APBB1IP: variants seen among roughly 807,000 people sequenced by gnomAD.
APBB1IP encodes the protein amyloid beta precursor protein binding family B member 1 interacting protein.
APBB1IP carries 27 observed loss-of-function variants against 64.9 expected under a neutral mutation model. The observed-to-expected ratio is 0.42, with a 90% confidence interval of 0.31 to 0.57. APBB1IP has a LOEUF of 0.57. APBB1IP is among the 20% of genes least tolerant of loss of function. The pLI, the probability that APBB1IP is intolerant of heterozygous loss-of-function variation, is 0.20. For missense variants in APBB1IP, 812 were observed against 845.5 expected (o/e 0.96, Z 0.49); for synonymous variants, 392 against 331.0 (o/e 1.18, Z -2.00).
At chr10:26,564,706 G>A (rs1160112178) in intron 14 of APBB1IP, among the ~76,000 whole-genome samples, 2 of 152,140 alleles carry the variant, frequency 1.3e-5, no homozygotes, top group African/African-American at 4.8e-5. Flanking sequence ...CGGAGGCTGA[G>A]GCATGAGGAT....
intron 2 of APBB1IP, among the ~76,000 whole-genome samples, chr10:26,485,546 T>C (rs1835881292): frequency 6.6e-6 from 1 of 152,228 alleles, no homozygotes; most frequent in Non-Finnish European, 1.5e-5. Flanking sequence ...TCTATAACGA[T>C]AACAAAAAGA....
intron 14 of APBB1IP, among the ~76,000 whole-genome samples, chr10:26,565,881 A>G (rs555886747): frequency 1.3e-5 from 2 of 152,324 alleles, no homozygotes; most frequent in African/African-American, 4.8e-5. Context: ...CAAGAGTCCA[A>G]AGAGGTTGGG....
At chr10:26,497,758 T>C (rs1484641486) in intron 4 of APBB1IP, among the ~76,000 whole-genome samples, 6 of 132,648 alleles carry the variant, frequency 4.5e-5, no homozygotes, top group African/African-American at 1.4e-4. Context: ...GCAGAGTCTC[T>C]CTCTGTCACC....
intron 8 of APBB1IP, 50 bp downstream of exon 8, chr10:26,513,710 T>G: frequency 6.5e-7 from 1 of 1,548,844 alleles, no homozygotes; most frequent in Non-Finnish European, 8.6e-7. Context: ...AAGGATTTTT[T>G]TTTTTTTTGA....
chr10:26,475,930 A>T (rs1404253849), intron 2 of APBB1IP, among the ~76,000 whole-genome samples: 2 of 152,146 alleles, frequency 1.3e-5, no homozygotes, highest in African/African-American at 4.8e-5. Flanking sequence ...TTTCATTTTG[A>T]AAAGTTTCAA....
intron 2 of APBB1IP, among the ~76,000 whole-genome samples, chr10:26,485,843 T>C (rs1835884419): frequency 6.6e-6 from 1 of 152,132 alleles, no homozygotes; most frequent in African/African-American, 2.4e-5. Flanking sequence ...AGTAGGATTT[T>C]ATGAAGGAGA....
chr10:26,547,771 T>A (rs1159238540), intron 11 of APBB1IP, among the ~76,000 whole-genome samples: 2 of 152,160 alleles, frequency 1.3e-5, no homozygotes, highest in African/African-American at 2.4e-5. Context: ...TTAACTAATC[T>A]ATTTTGGGTC....
chr10:26,491,836 A>G (rs959779610), intron 2 of APBB1IP, among the ~76,000 whole-genome samples: 2 of 141,536 alleles, frequency 1.4e-5, no homozygotes, highest in Admixed American at 1.6e-4. Flanking sequence ...ATCTCGGCTC[A>G]CTGCAACCTT....
At chr10:26,549,221 G>C (rs887981076) in intron 11 of APBB1IP, among the ~76,000 whole-genome samples, 4 of 152,100 alleles carry the variant, frequency 2.6e-5, no homozygotes, top group African/African-American at 9.7e-5. Context: ...ATTTAATTTG[G>C]ATTGCTAGTA....
chr10:26,485,763 G>C (rs1034756210), intron 2 of APBB1IP, among the ~76,000 whole-genome samples: 36 of 152,332 alleles, frequency 2.4e-4, no homozygotes, highest in African/African-American at 7.9e-4. Context: ...AAGTGCAGTA[G>C]ATAGCAAATC....
At chr10:26,452,773 A>G (rs1282410593) in intron 2 of APBB1IP, among the ~76,000 whole-genome samples, 1 of 152,208 alleles carries the variant, frequency 6.6e-6, no homozygotes, top group Non-Finnish European at 1.5e-5. Flanking sequence ...CAGGTCACCT[A>G]AATAGTGAAC....
intron 11 of APBB1IP, among the ~76,000 whole-genome samples, chr10:26,544,114 T>G (rs973555473): frequency 1.3e-5 from 2 of 152,176 alleles, no homozygotes; most frequent in African/African-American, 2.4e-5. Flanking sequence ...AGACAGTTTC[T>G]CAGGCCCCCA....
chr10:26,557,582 G>T (rs1836909602), intron 11 of APBB1IP, among the ~76,000 whole-genome samples: 1 of 152,210 alleles, frequency 6.6e-6, no homozygotes, highest in Non-Finnish European at 1.5e-5. Flanking sequence ...TACAAACACA[G>T]AAATTCTAGG....
intron 8 of APBB1IP, among the ~76,000 whole-genome samples, chr10:26,514,630 G>A (rs1200600531): frequency 6.6e-6 from 1 of 151,616 alleles, no homozygotes; most frequent in African/African-American, 2.4e-5. Context: ...TGTTAAAGGT[G>A]AAGAAGTTCC....
intron 8 of APBB1IP, among the ~76,000 whole-genome samples, chr10:26,518,094 A>G (rs547377092): frequency 1.1e-4 from 16 of 152,170 alleles, no homozygotes; most frequent in Admixed American, 3.3e-4. Flanking sequence ...AGCTGGGATC[A>G]CAGGCAACCA....
At chr10:26,555,324 C>T (rs1028384847) in intron 11 of APBB1IP, among the ~76,000 whole-genome samples, 2 of 152,128 alleles carry the variant, frequency 1.3e-5, no homozygotes, top group African/African-American at 2.4e-5. Flanking sequence ...ACTCAGATTC[C>T]ACACCAGCTT....
intron 7 of APBB1IP, among the ~76,000 whole-genome samples, chr10:26,513,145 C>G (rs753098359): frequency 6.6e-5 from 10 of 152,172 alleles, no homozygotes; most frequent in Non-Finnish European, 1.3e-4. Context: ...TCTGGGTACA[C>G]TGGCATATGC....
Position 26,500,971 on chromosome 10 carries a change from A to C in APBB1IP, c.313A>C (p.Ser105Arg). The C allele has an allele frequency of 6.2e-7, 1 of 1,614,198 alleles. No homozygotes were observed. ...AGCATCTCTACAAGCATCAATTTTC[A>C]GTGGTGCAGCCTCTCTTGGTTATGG... ...HSASLQASIF[S>R]GAASLGYGTN... is the part of the protein sequence containing the mutation. The change falls in exon 5 of 15, where the codon AGT (serine) becomes CGT (arginine). Residue 105 changes from serine (S) to arginine (R), a missense_variant. By Grantham distance (110) the Ser-to-Arg change is moderately radical. Transcript: ENST00000376236.
rs573073533 is a variant in APBB1IP at position 26,532,356 on chromosome 10, T to G, written c.814-1083T>G. ...TAGTCCTTGAGTGCTCGTGATTTTT[T>G]GGAACCCTTTATTTTTAGCCATCCT... On this transcript the variant is annotated intron_variant, in intron 8 of 14. Coordinates refer to ENST00000376236, the MANE Select transcript of APBB1IP (RefSeq NM_019043.4). Among the ~76,000 whole-genome samples the G allele has an allele frequency of 2.0e-5, 3 of 152,354 alleles. No homozygotes were observed. In the South Asian group the frequency reaches 6.2e-4, roughly 32 times the overall value.
Sources: allele counts gnomAD v4.1 joint callset (sites outside exome capture counted in the v4.1 genomes callset), GRCh38; gene constraint gnomAD v4.1.1; transcripts MANE v1.5; gene names NCBI Gene and HGNC (gene_info 2026-07-23, HGNC 2026-07-21).